The following DIP2C variants were observed in gnomAD, a reference collection of about 807,000 sequenced individuals.
DIP2C encodes disco-interacting protein 2 homolog C.
A neutral mutation model predicts 192.4 loss-of-function variants in DIP2C; 33 were observed. The ratio of observed to expected loss-of-function variants is 0.17; its 90% CI spans 0.13 to 0.23. The LOEUF (loss-of-function observed/expected upper bound fraction) is 0.23, where lower values mean the gene tolerates loss of function less well. Ranked by LOEUF, DIP2C falls within the 10% of genes least tolerant of loss-of-function variation. DIP2C has a pLI of 1.00. For missense variants in DIP2C, 1,537 were observed against 2,110.1 expected (o/e 0.73, Z 5.32); for synonymous variants, 979 against 864.1 (o/e 1.13, Z -2.33).
At chr10:409,891 C>A (rs1188741478) in intron 8 of DIP2C, among the ~76,000 whole-genome samples, 2 of 152,178 alleles carry the variant, frequency 1.3e-5, no homozygotes, top group Admixed American at 6.5e-5. Flanking sequence ...TACACAATGG[C>A]CTTTTACAAC....
At chr10:562,357 G>T (rs1849267343) in intron 1 of DIP2C, among the ~76,000 whole-genome samples, 1 of 152,210 alleles carries the variant, frequency 6.6e-6, no homozygotes, top group African/African-American at 2.4e-5. Context: ...GTTACAGGTG[G>T]ACCTTCTAGT....
chr10:649,962 G>A, intron 1 of DIP2C: 1 of 615,322 alleles, frequency 1.6e-6, no homozygotes, highest in South Asian at 1.9e-5. Context: ...CATCAAAACG[G>A]AAAAGGAAAT....
intron 4 of DIP2C, among the ~76,000 whole-genome samples, chr10:423,693 T>C (rs563657978): frequency 5.3e-5 from 8 of 151,776 alleles, no homozygotes; most frequent in Admixed American, 3.9e-4. Flanking sequence ...GTGTGTTAGA[T>C]AACCATGCAG....
At chr10:380,059 G>A (rs1210008575) in intron 17 of DIP2C, among the ~76,000 whole-genome samples, 5 of 152,000 alleles carry the variant, frequency 3.3e-5, no homozygotes, top group South Asian at 4.2e-4. Flanking sequence ...TGGTTAACAC[G>A]CAGAAGAGGC....
intron 3 of DIP2C, among the ~76,000 whole-genome samples, chr10:443,824 T>C (rs1967933177): frequency 6.6e-6 from 1 of 152,238 alleles, no homozygotes; most frequent in African/African-American, 2.4e-5. Flanking sequence ...CTAGTACCAC[T>C]GTGAAAAATC....
intron 1 of DIP2C, among the ~76,000 whole-genome samples, chr10:564,431 C>T (rs1849361291): frequency 6.6e-6 from 1 of 152,158 alleles, no homozygotes; most frequent in African/African-American, 2.4e-5. Flanking sequence ...CGTCCAAAGC[C>T]TTAAGAACCA....
At chr10:570,419 CCCTG>C (rs1213722684) in intron 1 of DIP2C, among the ~76,000 whole-genome samples, 1 of 152,210 alleles carries the variant, frequency 6.6e-6, no homozygotes, top group African/African-American at 2.4e-5. Context: ...TCCACTCCTC[CCCTG>C]TGGGAGACTG....
rs143925227 is a variant in DIP2C, at chr10:511,499, A to T, written c.86-24969T>A. Among the ~76,000 whole-genome samples, 7 of 152,332 alleles carry T rather than the reference A, an allele frequency of 4.6e-5. No individual in the cohort carries two copies. In the East Asian group the frequency reaches 1.3e-3, roughly 29 times the overall value. On this transcript the variant is annotated intron_variant, in intron 1 of 36. Transcript: ENST00000280886. ...CCTTCAATGCTGCTTAAACACGGAG[A>T]AGTATGAGGAAAAAAGAACATAGCA...
chr10:528,834 G>C (rs1180688772), intron 1 of DIP2C, among the ~76,000 whole-genome samples: 1 of 152,168 alleles, frequency 6.6e-6, no homozygotes, highest in Non-Finnish European at 1.5e-5. Context: ...TCCTCCGTGG[G>C]GCTGGCGTCC....
At chr10:373,344 TAC>T (rs1259967943) in intron 17 of DIP2C, among the ~76,000 whole-genome samples, 2 of 152,182 alleles carry the variant, frequency 1.3e-5, no homozygotes, top group Non-Finnish European at 2.9e-5. Context: ...AATAACCACA[TAC>T]AGATTTTTTA....
intron 32 of DIP2C, among the ~76,000 whole-genome samples, chr10:290,271 G>T (rs1955422706): frequency 6.6e-6 from 1 of 152,214 alleles, no homozygotes; most frequent in Non-Finnish European, 1.5e-5. Context: ...AACTCTTACG[G>T]AACACGCCGA....
At chr10:530,964 C>A (rs564445531) in intron 1 of DIP2C, among the ~76,000 whole-genome samples, 3 of 152,248 alleles carry the variant, frequency 2.0e-5, no homozygotes, top group South Asian at 4.1e-4. Context: ...CGACCAGACA[C>A]CCCACCCTGG....
chr10:568,571 T>C (rs1209657468), intron 1 of DIP2C, among the ~76,000 whole-genome samples: 1 of 151,580 alleles, frequency 6.6e-6, no homozygotes, highest in African/African-American at 2.4e-5. Flanking sequence ...ATCGAGACCA[T>C]CCTGGCTGAC....
chr10:687,534 C>T (rs1199625702), intron 1 of DIP2C, among the ~76,000 whole-genome samples: 1 of 152,214 alleles, frequency 6.6e-6, no homozygotes, highest in African/African-American at 2.4e-5. Flanking sequence ...TATAATTAGG[C>T]TTCCTGCATG....
intron 1 of DIP2C, among the ~76,000 whole-genome samples, chr10:603,235 G>T (rs929608745): frequency 8.8e-5 from 13 of 147,196 alleles, no homozygotes; most frequent in African/African-American, 3.3e-4. Context: ...GGGGGCGGGG[G>T]TTGCAGTGAG....
chr10:329,510 C>T lies in DIP2C; in HGVS notation c.3676G>A (p.Val1226Ile), dbSNP rs1261368982. ...GAGTAGGAGCAAAACGTGTCTCGGA[C>T]TTTGTACTGACTCACGGCAAGAAGC... is the stretch of plus-strand genomic sequence containing the variant. Reference protein sequence around the residue: ...LWLLAVSQYKVRDTFCSYSVM... With the variant: ...LWLLAVSQYKIRDTFCSYSVM... Residue 1226 changes from valine to isoleucine, a missense_variant, in exon 30 of 37, where the codon GTC becomes ATC. Val to Ile is a conservative substitution (Grantham distance 29). Coordinates refer to ENST00000280886, the MANE Select transcript of DIP2C (RefSeq NM_014974.3). 1 of 1,614,196 alleles carries T rather than the reference C, an allele frequency of 6.2e-7. No homozygotes were observed. Among genetic ancestry groups the T allele is most frequent in the Non-Finnish European group, 8.5e-7 (1 of 1,180,034 alleles).
intron 4 of DIP2C, among the ~76,000 whole-genome samples, chr10:426,796 C>CCA (rs1461253049): frequency 6.6e-6 from 1 of 151,712 alleles, no homozygotes; most frequent in Non-Finnish European, 1.5e-5. Context: ...AACTGGGTAC[C>CCA]CAACACACCA....
intron 17 of DIP2C, among the ~76,000 whole-genome samples, chr10:371,543 C>T (rs930994410): frequency 5.9e-5 from 9 of 152,252 alleles, no homozygotes; most frequent in East Asian, 3.9e-4. Context: ...GCTCACGTGA[C>T]GATGGAGGCA....
chr10:653,921 A>G (rs988007088), intron 1 of DIP2C, among the ~76,000 whole-genome samples: 5 of 152,222 alleles, frequency 3.3e-5, no homozygotes, highest in African/African-American at 1.2e-4. Flanking sequence ...CACCCTTGCT[A>G]ATCATGTCTG....
Sources: allele counts gnomAD v4.1 joint callset (sites outside exome capture counted in the v4.1 genomes callset), GRCh38; gene constraint gnomAD v4.1.1; transcripts MANE v1.5; gene names NCBI Gene and HGNC (gene_info 2026-07-23, HGNC 2026-07-21).